The following DNAH12 variants were observed in gnomAD, a reference collection of about 807,000 sequenced individuals.
The protein encoded by DNAH12 is dynein axonemal heavy chain 12.
Under a neutral mutation model 371.5 loss-of-function variants are expected in DNAH12, and 285 were observed. That is an observed-to-expected ratio of 0.77 (90% confidence interval 0.70 to 0.85). DNAH12 has a LOEUF of 0.85. DNAH12 is among the 40% of genes least tolerant of loss of function. DNAH12 has a pLI of 0.00. For synonymous variants in DNAH12, 1,200 were observed against 1,213.0 expected, an observed-to-expected ratio of 0.99 and a Z score of 0.22; for missense variants, 3,611 against 3,689.4, an observed-to-expected ratio of 0.98 and a Z score of 0.55.
chr3:57,470,351 T>C, intron 16 of DNAH12, 92 bp downstream of exon 16: 1 of 1,283,948 alleles, frequency 7.8e-7, no homozygotes, highest in Non-Finnish European at 1.0e-6. Flanking sequence ...TAAATCCTAC[T>C]TTTAAACACT....
intron 59 of DNAH12, among the ~76,000 whole-genome samples, chr3:57,353,767 T>C (rs1160530139): frequency 6.6e-6 from 1 of 152,082 alleles, no homozygotes; most frequent in East Asian, 1.9e-4. Flanking sequence ...AAAAAGCATA[T>C]GAAAAAATGC....
chr3:57,411,087 A>T (rs1418097140), intron 39 of DNAH12, among the ~76,000 whole-genome samples: 1 of 152,208 alleles, frequency 6.6e-6, no homozygotes, highest in Non-Finnish European at 1.5e-5. Context: ...TGCAGATAAC[A>T]TGATGATCTA....
At chr3:57,400,787 C>T (rs1214503159) in intron 43 of DNAH12, among the ~76,000 whole-genome samples, 3 of 152,068 alleles carry the variant, frequency 2.0e-5, no homozygotes, top group African/African-American at 7.2e-5. Context: ...CTTGAATACC[C>T]CACTTTCAAT....
intron 25 of DNAH12, among the ~76,000 whole-genome samples, chr3:57,448,233 C>G (rs147680973): frequency 6.6e-6 from 1 of 152,056 alleles, no homozygotes; most frequent in East Asian, 1.9e-4. Flanking sequence ...TTCTGATGGT[C>G]GGATGTGTTG....
At chr3:57,496,752 T>TTCGG (rs2067336285) in intron 11 of DNAH12, among the ~76,000 whole-genome samples, 1 of 152,150 alleles carries the variant, frequency 6.6e-6, no homozygotes, top group Non-Finnish European at 1.5e-5. Flanking sequence ...GCGGATCACC[T>TTCGG]GAGGTCAGGA....
intron 70 of DNAH12, among the ~76,000 whole-genome samples, chr3:57,301,252 C>A (rs1425900335): frequency 9.7e-6 from 1 of 103,596 alleles, no homozygotes; most frequent in African/African-American, 3.9e-5. Context: ...GATGACAGAG[C>A]AAGACCCTGT....
At chr3:57,313,375 G>A (rs762875922) in intron 66 of DNAH12, among the ~76,000 whole-genome samples, 11 of 152,102 alleles carry the variant, frequency 7.2e-5, no homozygotes, top group Non-Finnish European at 1.3e-4. Context: ...ACAAGGGGCC[G>A]GGCATAGTGG....
rs545660874 is a variant in DNAH12, at chr3:57,435,758, A to G, written c.4655+1193T>C. 4.6e-5 allele frequency among the ~76,000 whole-genome samples: 7 copies of G among 152,126 alleles called. No individual in the cohort carries two copies. In the South Asian group the frequency reaches 6.2e-4, roughly 13 times the overall value. ...GATCACTTGAGCCCTGGAGTTTGAG[A>G]CCAGCCTGGGCGATATCAACAGACT... is the stretch of plus-strand genomic sequence containing the variant. On this transcript the variant is annotated intron_variant, in intron 30 of 73. Coordinates refer to ENST00000495027, the MANE Select transcript of DNAH12 (RefSeq NM_001366028.2).
chr3:57,469,003 T>C, intron 16 of DNAH12, 24 bp from the exon 17 acceptor site: 2 of 1,511,120 alleles, frequency 1.3e-6, no homozygotes, highest in Non-Finnish European at 1.8e-6. Context: ...AAAAATATTA[T>C]TAAACTCAGA....
Position 57,295,514 on chromosome 3 carries a change from A to G in DNAH12, c.11692+11T>C. Reference sequence around the variant, plus strand: ...TAAACTTCAAATAAATTTTGTTGAGAGAATATTTACTTGGTTTTATCCATA... The same window carrying G: ...TAAACTTCAAATAAATTTTGTTGAGGGAATATTTACTTGGTTTTATCCATA... On this transcript the variant is annotated intron_variant, in intron 73 of 73. Transcript: ENST00000495027. The G allele has an allele frequency of 1.3e-6, 2 of 1,544,744 alleles. No individual in the cohort carries two copies. Among genetic ancestry groups the G allele is most frequent in the Non-Finnish European group, 1.7e-6 (2 of 1,143,770 alleles).
intron 62 of DNAH12, among the ~76,000 whole-genome samples, chr3:57,325,811 A>C (rs960565008): frequency 2.6e-5 from 4 of 152,314 alleles, no homozygotes; most frequent in Non-Finnish European, 5.9e-5. Context: ...AAGAAGTTAA[A>C]AACTTTGAAA....
At chr3:57,413,561 C>G (rs555689350) in intron 39 of DNAH12, among the ~76,000 whole-genome samples, 185 bp downstream of exon 39, 1 of 152,188 alleles carries the variant, frequency 6.6e-6, no homozygotes, top group South Asian at 2.1e-4. Context: ...TACAGGAAAT[C>G]TCTGTACCTT....
At chr3:57,456,742 T>C (rs1247826014) in intron 22 of DNAH12, among the ~76,000 whole-genome samples, 2 of 152,170 alleles carry the variant, frequency 1.3e-5, no homozygotes, top group Non-Finnish European at 2.9e-5. Context: ...AATTTTAATA[T>C]ATCTAAAATT....
At chr3:57,477,423 C>T (rs559531904) in intron 13 of DNAH12, among the ~76,000 whole-genome samples, 21 of 152,214 alleles carry the variant, frequency 1.4e-4, no homozygotes, top group African/African-American at 3.6e-4. Context: ...ACGAAGTGGC[C>T]GGGAAGCTCG....
intron 4 of DNAH12, among the ~76,000 whole-genome samples, chr3:57,520,361 G>T (rs2068374634): frequency 1.3e-5 from 2 of 151,696 alleles, no homozygotes; most frequent in Admixed American, 1.3e-4. Context: ...AAAGTGCTTG[G>T]ATTACAGGCA....
chr3:57,510,747 G>T (rs1310470835), intron 5 of DNAH12, 43 bp downstream of exon 5: 1 of 1,585,884 alleles, frequency 6.3e-7, no homozygotes, highest in Non-Finnish European at 8.6e-7. Context: ...GACGGGGGGA[G>T]GCCAAGGTGA....
At chr3:57,478,991 C>T (rs1376079879) in intron 13 of DNAH12, among the ~76,000 whole-genome samples, 2 of 152,144 alleles carry the variant, frequency 1.3e-5, no homozygotes, top group Non-Finnish European at 2.9e-5. Flanking sequence ...TAAAGACCAT[C>T]GAGGCTAGGA....
chr3:57,374,779 G>T (rs36128505), intron 55 of DNAH12, among the ~76,000 whole-genome samples: 97,173 of 151,482 alleles, frequency 0.64, 32,087 homozygotes, highest in Non-Finnish European at 0.75. Context: ...TATGCCAAAA[G>T]AAGCCTTACC....
chr3:57,501,439 C>A (rs1358281800), intron 10 of DNAH12, 27 bp from the exon 11 acceptor site: 10 of 1,522,884 alleles, frequency 6.6e-6, no homozygotes, highest in African/African-American at 2.8e-5. Flanking sequence ...TAATTAAAAT[C>A]TCAATAATAC....
Sources: gnomAD v4.1 joint callset for allele counts (sites outside exome capture counted in the v4.1 genomes callset) on GRCh38, gnomAD v4.1.1 for gene constraint, MANE v1.5 for transcripts, NCBI Gene and HGNC (gene_info 2026-07-23, HGNC 2026-07-21) for gene names.